Variants in RALA observed in about 807,000 individuals in gnomAD.
RALA encodes ras-related protein Ral-A.
RALA carries 5 observed loss-of-function variants against 24.0 expected under a neutral mutation model. The observed-to-expected ratio is 0.21, with a 90% confidence interval of 0.11 to 0.44. RALA has a LOEUF of 0.44. Ranked by LOEUF, RALA falls within the 20% of genes least tolerant of loss-of-function variation. The probability of loss-of-function intolerance (pLI) is 0.99; values close to 1 mark genes in which losing one functional copy is unlikely to be tolerated. For synonymous variants in RALA, 77 were observed against 83.8 expected (o/e 0.92, Z 0.44); for missense variants, 95 against 241.2 (o/e 0.39, Z 4.01).
intron 1 of RALA, among the ~76,000 whole-genome samples, chr7:39,669,597 A>G (rs1398056240): frequency 1.3e-5 from 2 of 152,214 alleles, no homozygotes; most frequent in East Asian, 1.9e-4. Flanking sequence ...AGTTCACTTG[A>G]GGCCAGGAGT....
chr7:39,630,223 T>A (rs1791571103), intron 1 of RALA, among the ~76,000 whole-genome samples: 1 of 148,964 alleles, frequency 6.7e-6, no homozygotes, highest in African/African-American at 2.5e-5. Context: ...TTTTTTTTTT[T>A]TTTTTTTTTG....
At chr7:39,633,020 C>G (rs1453523233) in intron 1 of RALA, among the ~76,000 whole-genome samples, 1 of 152,066 alleles carries the variant, frequency 6.6e-6, no homozygotes, top group Non-Finnish European at 1.5e-5. Context: ...GTTTTTTACC[C>G]AGCTAGTTAT....
intron 1 of RALA, among the ~76,000 whole-genome samples, chr7:39,639,611 CT>C (rs1340982762): frequency 6.6e-6 from 1 of 152,188 alleles, no homozygotes; most frequent in Non-Finnish European, 1.5e-5. Context: ...GGCAGGCTTT[CT>C]GAGCACTTTT....
At chr7:39,655,757 T>C (rs1335314189) in intron 1 of RALA, among the ~76,000 whole-genome samples, 2 of 152,198 alleles carry the variant, frequency 1.3e-5, no homozygotes, top group Non-Finnish European at 2.9e-5. Flanking sequence ...TAACCTTACT[T>C]GGTATCATTG....
intron 1 of RALA, among the ~76,000 whole-genome samples, chr7:39,682,147 T>C (rs1792614936): frequency 6.6e-6 from 1 of 152,220 alleles, no homozygotes; most frequent in African/African-American, 2.4e-5. Context: ...AAATAGTACA[T>C]ATCGCCTAGG....
intron 3 of RALA, among the ~76,000 whole-genome samples, chr7:39,693,431 T>C (rs1190961585): frequency 2.0e-5 from 3 of 151,088 alleles, no homozygotes; most frequent in South Asian, 2.1e-4. Context: ...GGTGGGGGAC[T>C]GGGGGAGGGA....
intron 2 of RALA, among the ~76,000 whole-genome samples, chr7:39,689,731 A>T (rs892215164): frequency 6.6e-6 from 1 of 152,218 alleles, no homozygotes; most frequent in Non-Finnish European, 1.5e-5. Flanking sequence ...AGCCTGGGCA[A>T]CATAGTAAGG....
At chr7:39,705,168 T>TAC (rs200098315) in intron 4 of RALA, among the ~76,000 whole-genome samples, 1 of 151,912 alleles carries the variant, frequency 6.6e-6, no homozygotes, top group African/African-American at 2.4e-5. Flanking sequence ...ACTCCTGCCC[T>TAC]ACACACACAC....
chr7:39,697,451 A>G lies in RALA; in HGVS notation c.498+592A>G, dbSNP rs1236306287. The stretch of plus-strand genomic sequence containing the variant: ...CCAGATGTGGAACACCTGCAAGTAC[A>G]TTTCATCCCACTGCCCTAGACCAGC... On this transcript the variant is annotated intron_variant, in intron 4 of 4. Coordinates refer to ENST00000005257, the MANE Select transcript of RALA (RefSeq NM_005402.4). 6 of 456,500 alleles carry G rather than the reference A, an allele frequency of 1.3e-5. No individual in the cohort carries two copies. The East Asian group carries it at 4.2e-4, about 32-fold the overall frequency. 28.3% of individuals were successfully genotyped at this position (456,500 alleles called of 1,614,324 possible).
chr7:39,628,790 C>T (rs910280353), intron 1 of RALA, among the ~76,000 whole-genome samples: 1 of 151,896 alleles, frequency 6.6e-6, no homozygotes, highest in African/African-American at 2.4e-5. Context: ...CTCCTGACCT[C>T]GTGAGCCATG....
intron 1 of RALA, among the ~76,000 whole-genome samples, chr7:39,661,474 G>A (rs1792189518): frequency 6.6e-6 from 1 of 152,174 alleles, no homozygotes; most frequent in Non-Finnish European, 1.5e-5. Flanking sequence ...GCAGGCATTG[G>A]GTAAATGCAC....
At chr7:39,697,614 C>G in intron 4 of RALA, 1 of 312,852 alleles carries the variant, frequency 3.2e-6, no homozygotes, top group South Asian at 2.8e-5. Context: ...AAAGAACTGC[C>G]TGTAAATCTT....
At chr7:39,660,038 T>A (rs951258709) in intron 1 of RALA, among the ~76,000 whole-genome samples, 8 of 151,742 alleles carry the variant, frequency 5.3e-5, no homozygotes, top group African/African-American at 1.7e-4. Context: ...TTAAAAAAAT[T>A]TTTTTTTTAA....
At chr7:39,653,654 C>A (rs1792054238) in intron 1 of RALA, among the ~76,000 whole-genome samples, 1 of 152,128 alleles carries the variant, frequency 6.6e-6, no homozygotes, top group Non-Finnish European at 1.5e-5. Flanking sequence ...GTCACCTCAG[C>A]TCAGCAGAAT....
At chr7:39,680,948 C>T (rs1360264216) in intron 1 of RALA, among the ~76,000 whole-genome samples, 2 of 152,172 alleles carry the variant, frequency 1.3e-5, no homozygotes, top group African/African-American at 4.8e-5. Context: ...TAGATACAGT[C>T]AAAGAAATAA....
At chr7:39,698,641 G>A (rs1291290046) in intron 4 of RALA, among the ~76,000 whole-genome samples, 37 of 152,120 alleles carry the variant, frequency 2.4e-4, no homozygotes, top group African/African-American at 2.4e-5. Flanking sequence ...TCGATGTTTC[G>A]AGTAGGTTGT....
intron 1 of RALA, among the ~76,000 whole-genome samples, chr7:39,673,532 T>C (rs1792425073): frequency 6.6e-6 from 1 of 152,162 alleles, no homozygotes; most frequent in Non-Finnish European, 1.5e-5. Context: ...GGTTGTAAAT[T>C]GGGTCTTTCA....
At chr7:39,685,451 A>G (rs1482266037) in intron 1 of RALA, among the ~76,000 whole-genome samples, 1 of 152,224 alleles carries the variant, frequency 6.6e-6, no homozygotes, top group East Asian at 1.9e-4. Flanking sequence ...AGAGTTGCTG[A>G]GGACAAGGGG....
At chr7:39,661,309 A>G (rs1293958768) in intron 1 of RALA, among the ~76,000 whole-genome samples, 3 of 152,080 alleles carry the variant, frequency 2.0e-5, no homozygotes, top group Admixed American at 6.6e-5. Flanking sequence ...TTCAAAACCA[A>G]TCATGCCTTC....
Sources: gnomAD v4.1 joint callset for allele counts (sites outside exome capture counted in the v4.1 genomes callset) on GRCh38, gnomAD v4.1.1 for gene constraint, MANE v1.5 for transcripts, NCBI Gene and HGNC (gene_info 2026-07-23, HGNC 2026-07-21) for gene names.